GRIA1: variants seen among roughly 807,000 people sequenced by gnomAD.
The protein encoded by GRIA1 is glutamate ionotropic receptor AMPA type subunit 1.
A neutral mutation model predicts 99.2 loss-of-function variants in GRIA1; 31 were observed. The observed-to-expected ratio is 0.31, with a 90% CI of 0.23 to 0.42. The LOEUF (loss-of-function observed/expected upper bound fraction) is 0.42, where lower values mean the gene tolerates loss of function less well. Ranked by LOEUF, GRIA1 falls within the 10% of genes least tolerant of loss-of-function variation. The pLI is 1.00. For synonymous variants in GRIA1, 438 were observed against 432.4 expected (o/e 1.01, Z -0.16); for missense variants, 782 against 1,157.5 (o/e 0.68, Z 4.71).
At chr5:153,801,808 A>G (rs542356466) in intron 14 of GRIA1, among the ~76,000 whole-genome samples, 2 of 152,254 alleles carry the variant, frequency 1.3e-5, no homozygotes, top group African/African-American at 4.8e-5. Flanking sequence ...TCTTTATTAT[A>G]TATACAATAA....
At chr5:153,556,966 T>A (rs1164085749) in intron 2 of GRIA1, among the ~76,000 whole-genome samples, 1 of 152,236 alleles carries the variant, frequency 6.6e-6, no homozygotes, top group Non-Finnish European at 1.5e-5. Context: ...TACAAACCTG[T>A]GCAGCATGTT....
intron 2 of GRIA1, among the ~76,000 whole-genome samples, chr5:153,551,237 G>A (rs567672306): frequency 3.5e-4 from 54 of 152,264 alleles, no homozygotes; most frequent in South Asian, 4.1e-4. Flanking sequence ...TAATGTATGT[G>A]TTGATTTTAT....
intron 15 of GRIA1, 117 bp downstream of exon 15, chr5:153,802,607 C>T (rs1581682662): frequency 1.0e-6 from 1 of 965,326 alleles, no homozygotes; most frequent in East Asian, 2.4e-5. Context: ...CAGCACAAGA[C>T]AGGAAGCAGG....
intron 12 of GRIA1, among the ~76,000 whole-genome samples, chr5:153,768,139 C>T (rs1413716338): frequency 1.3e-5 from 2 of 152,176 alleles, no homozygotes; most frequent in Non-Finnish European, 2.9e-5. Context: ...TGAATTTATA[C>T]ATTTTCCTGT....
intron 2 of GRIA1, among the ~76,000 whole-genome samples, chr5:153,618,144 G>C (rs1315956732): frequency 6.6e-6 from 1 of 152,194 alleles, no homozygotes; most frequent in Non-Finnish European, 1.5e-5. Flanking sequence ...AAATGGATGG[G>C]CTAGAAATCT....
At chr5:153,495,812 C>A (rs1754359133) in intron 2 of GRIA1, among the ~76,000 whole-genome samples, 1 of 152,102 alleles carries the variant, frequency 6.6e-6, no homozygotes, top group Admixed American at 6.5e-5. Context: ...CCTTTCTTTA[C>A]TTTTTAATGT....
intron 2 of GRIA1, among the ~76,000 whole-genome samples, chr5:153,500,409 C>T (rs1647513959): frequency 1.3e-5 from 2 of 152,102 alleles, no homozygotes; most frequent in Non-Finnish European, 1.5e-5. Flanking sequence ...CTACACGTGG[C>T]CTCAAATTGG....
At chr5:153,604,735 G>C (rs930503800) in intron 2 of GRIA1, among the ~76,000 whole-genome samples, 1 of 152,066 alleles carries the variant, frequency 6.6e-6, no homozygotes, top group African/African-American at 2.4e-5. Flanking sequence ...ATATACTCCT[G>C]ACCTCACGGT....
chr5:153,621,168 A>G (rs779989143), intron 2 of GRIA1, among the ~76,000 whole-genome samples: 5 of 152,212 alleles, frequency 3.3e-5, no homozygotes, highest in Non-Finnish European at 5.9e-5. Flanking sequence ...AGAAGAGGCT[A>G]AAGCTTTCTT....
chr5:153,548,117 T>C (rs932992663), intron 2 of GRIA1, among the ~76,000 whole-genome samples: 2 of 152,174 alleles, frequency 1.3e-5, no homozygotes, highest in Non-Finnish European at 2.9e-5. Context: ...TGGTTGGTAA[T>C]GTTAGCAGGA....
At chr5:153,583,674 G>A (rs1763232188) in intron 2 of GRIA1, among the ~76,000 whole-genome samples, 1 of 152,114 alleles carries the variant, frequency 6.6e-6, no homozygotes, top group African/African-American at 2.4e-5. Context: ...GGTACTGTAA[G>A]TTGAAACTTT....
chr5:153,646,962 C>T lies in GRIA1; in HGVS notation c.255C>T (p.Ile85=), dbSNP rs138393870. 17 of 1,613,784 alleles carry T rather than the reference C, an allele frequency of 1.1e-5. No homozygotes were observed. The Admixed American group carries it at 2.8e-4, about 27-fold the overall frequency. ...CSQFSKGVYA[I]FGFYERRTVN... ...AGTTCTCCAAAGGAGTCTATGCCAT[C>T]TTTGGGTTTTATGAACGTAGGACTG... The change falls in exon 3 of 16, where the codon ATC becomes ATT. Residue 85 remains isoleucine, a synonymous_variant. Transcript: ENST00000285900.
chr5:153,747,514 T>TTAGA (rs1762238472), intron 11 of GRIA1, among the ~76,000 whole-genome samples: 1 of 152,142 alleles, frequency 6.6e-6, no homozygotes, highest in African/African-American at 2.4e-5. Flanking sequence ...GAGATGGGAA[T>TTAGA]TAGATAAATG....
intron 11 of GRIA1, among the ~76,000 whole-genome samples, chr5:153,754,572 G>T (rs1762703617): frequency 1.3e-5 from 2 of 152,224 alleles, no homozygotes; most frequent in Non-Finnish European, 2.9e-5. Flanking sequence ...AGATGATCCT[G>T]AACTTGGGAT....
chr5:153,770,175 A>C lies in GRIA1; in HGVS notation c.2030A>C (p.Lys677Thr), dbSNP rs1763784199. 6.2e-7 allele frequency: 1 copy of C among 1,613,764 alleles called. No homozygotes were observed. Among genetic ancestry groups the C allele is most frequent in the Non-Finnish European group, 8.5e-7 (1 of 1,179,826 alleles). Residue 677 changes from lysine (K) to threonine (T), a missense_variant, in exon 13 of 16, where the codon AAA becomes ACA. Lys to Thr is a moderately conservative substitution (Grantham distance 78). Around this residue, in one of 5 missense-constraint regions of GRIA1, gnomAD observed 119 missense variants for 326.6 expected, o/e 0.36. Transcript: ENST00000285900. ...GSTKEFFRRS[K>T]IAVFEKMWTY... is the part of the protein sequence containing the mutation. The stretch of plus-strand genomic sequence containing the variant: ...TGTTTCTGTCCCTACCAGAGGTCTA[A>C]AATTGCTGTGTTTGAGAAGATGTGG...
rs1330105099 is a variant in GRIA1, at chr5:153,493,140, C to T, written c.83-788C>T. 2.6e-5 allele frequency among the ~76,000 whole-genome samples: 4 copies of T among 152,174 alleles called. No homozygotes were observed. The East Asian group carries it at 7.7e-4, about 29-fold the overall frequency. ...ACAGGCATCCCATCAGGCACCTTTA[C>T]TATACCTTTTACTAGAATAGAATGT... On this transcript the variant is annotated intron_variant, in intron 1 of 15. Coordinates refer to ENST00000285900, the MANE Select transcript of GRIA1 (RefSeq NM_000827.4).
chr5:153,627,577 AT>A (rs147426644), intron 2 of GRIA1, among the ~76,000 whole-genome samples: 21,456 of 152,136 alleles, frequency 0.14, 1,671 homozygotes, highest in Middle Eastern at 0.2. Context: ...GAGTAAAAGA[AT>A]GGGGCAAGCG....
At chr5:153,665,380 C>CT (rs761938924) in intron 5 of GRIA1, among the ~76,000 whole-genome samples, 39 of 152,274 alleles carry the variant, frequency 2.6e-4, no homozygotes, top group Admixed American at 1.9e-3. Context: ...AACACGAATG[C>CT]TTTTTTCTTC....
In GRIA1 at chr5:153,621,185, C is replaced by T. The variant is rs1290251331; in HGVS notation, c.221-25743C>T. ...AAGAGGCTAAAGCTTTCTTGAGAGG[C>T]TTTCTGTGGCATCTATATCCCCAAA... is the stretch of plus-strand genomic sequence containing the variant. On this transcript the variant is annotated intron_variant, in intron 2 of 15. Coordinates refer to ENST00000285900, the MANE Select transcript of GRIA1 (RefSeq NM_000827.4). Among the ~76,000 whole-genome samples, 4 of 152,142 alleles carry T rather than the reference C, an allele frequency of 2.6e-5. No homozygotes were observed. In the East Asian group the frequency reaches 7.7e-4, roughly 29 times the overall value.
Sources: allele counts gnomAD v4.1 joint callset (sites outside exome capture counted in the v4.1 genomes callset), GRCh38; gene constraint gnomAD v4.1.1; regional missense constraint gnomAD v4.1.1; transcripts MANE v1.5; gene names NCBI Gene and HGNC (gene_info 2026-07-23, HGNC 2026-07-21).